FFAR4: variants seen among roughly 807,000 people sequenced by gnomAD.
FFAR4 encodes free fatty acid receptor 4, also known as G-protein coupled receptor 120.
Under a neutral mutation model 27.0 loss-of-function variants are expected in FFAR4, and 19 were observed. The ratio of observed to expected loss-of-function variants is 0.70; its 90% confidence interval spans 0.49 to 1.03. The LOEUF is 1.03. Among genes scored for constraint, FFAR4 ranks in the 50% least tolerant of loss-of-function variants. The probability of loss-of-function intolerance (pLI) is 0.00; values close to 1 mark genes in which losing one functional copy is unlikely to be tolerated. For missense variants in FFAR4, 476 were observed against 479.0 expected, an observed-to-expected ratio of 0.99 and a Z score of 0.06; for synonymous variants, 254 against 215.6, an observed-to-expected ratio of 1.18 and a Z score of -1.56.
In FFAR4 at chr10:93,567,109, C is replaced by T. The variant is rs755013071; in HGVS notation, c.389C>T (p.Ala130Val). 1.2e-6 allele frequency: 2 copies of T among 1,608,746 alleles called. No individual in the cohort carries two copies. The highest frequency in any genetic ancestry group is 3.3e-5 in the Admixed American group (2 of 59,816). ...GGCAGCGTCACCATCCTCACGCTGGCCGCGGTCAGCCTGGAGCGCATGGTG... is the reference window on the plus strand; with the variant it reads ...GGCAGCGTCACCATCCTCACGCTGGTCGCGGTCAGCCTGGAGCGCATGGTG... ...LSGSVTILTLAAVSLERMVCI... is the reference protein window; with the variant it reads ...LSGSVTILTLVAVSLERMVCI... Residue 130 changes from alanine (A) to valine (V), a missense_variant, in exon 1 of 3, where the codon GCC (alanine) becomes GTC (valine). Coordinates refer to ENST00000371481, the MANE Select transcript of FFAR4 (RefSeq NM_001195755.2).
At chr10:93,573,968 G>C (rs1443600654) in intron 1 of FFAR4, among the ~76,000 whole-genome samples, 1 of 152,106 alleles carries the variant, frequency 6.6e-6, no homozygotes, top group African/African-American at 2.4e-5. Flanking sequence ...AGGAAATTCA[G>C]ATAAGCCACA....
chr10:93,571,312 C>T (rs937462216), intron 1 of FFAR4, among the ~76,000 whole-genome samples: 2 of 152,146 alleles, frequency 1.3e-5, no homozygotes, highest in Non-Finnish European at 2.9e-5. Context: ...TACTAAGCAC[C>T]CTTCCCCTCT....
chr10:93,589,606 G>A lies in FFAR4; in HGVS notation c.*1997G>A, dbSNP rs189973626. ...TGGGGGGGCCTGGGCAAAGATTAGGGGGGGGGGAGCCAAGAGTTTCATTTG... is the reference window on the plus strand; with the variant it reads ...TGGGGGGGCCTGGGCAAAGATTAGGAGGGGGGGAGCCAAGAGTTTCATTTG... On this transcript the variant is annotated 3_prime_UTR_variant, in exon 3 of 3. Coordinates refer to ENST00000371481, the MANE Select transcript of FFAR4 (RefSeq NM_001195755.2). 2 of 140,902 alleles carry A rather than the reference G, an allele frequency of 1.4e-5. No individual in the cohort carries two copies. The highest frequency in any genetic ancestry group is 2.5e-5 in the African/African-American group (1 of 39,572). The allele number at this position is 140,902 out of a possible 1,614,324, so 8.7% of individuals were successfully genotyped here.
intron 2 of FFAR4, among the ~76,000 whole-genome samples, chr10:93,586,214 C>T (rs943583955): frequency 1.3e-5 from 2 of 152,168 alleles, no homozygotes; most frequent in African/African-American, 4.8e-5. Context: ...TGGTTTCCCA[C>T]AGGCTACTCT....
intron 1 of FFAR4, among the ~76,000 whole-genome samples, chr10:93,568,599 A>G (rs1288636411): frequency 1.3e-5 from 2 of 152,162 alleles, no homozygotes; most frequent in Non-Finnish European, 2.9e-5. Context: ...ACAGCCCACC[A>G]GGGACACCCC....
At chr10:93,570,943 A>G (rs931828457) in intron 1 of FFAR4, among the ~76,000 whole-genome samples, 1 of 152,050 alleles carries the variant, frequency 6.6e-6, no homozygotes, top group Non-Finnish European at 1.5e-5. Context: ...GTATCAACCA[A>G]CCTTACCGGA....
chr10:93,574,016 A>T (rs1195295664), intron 1 of FFAR4, among the ~76,000 whole-genome samples: 1 of 152,194 alleles, frequency 6.6e-6, no homozygotes, highest in African/African-American at 2.4e-5. Flanking sequence ...CTAGAAATAG[A>T]CACTTCACTT....
chr10:93,582,682 A>G (rs1229776172), intron 2 of FFAR4, among the ~76,000 whole-genome samples: 1 of 152,108 alleles, frequency 6.6e-6, no homozygotes, highest in Non-Finnish European at 1.5e-5. Context: ...GCCTTGCTTC[A>G]GCTCCCATCC....
chr10:93,582,995 T>G (rs552848252), intron 2 of FFAR4, among the ~76,000 whole-genome samples: 2 of 152,048 alleles, frequency 1.3e-5, no homozygotes, highest in South Asian at 4.1e-4. Flanking sequence ...GCCCCCATGA[T>G]CCAAACACCT....
rs10882273 is a variant in FFAR4, at chr10:93,589,148, T to C, written c.*1539T>C. The C allele has an allele frequency of 0.43, 65,593 of 152,228 alleles. 15,268 individuals carry two copies. The highest frequency in any genetic ancestry group is 0.6 in the African/African-American group (24,908 of 41,492). 9.4% of individuals were successfully genotyped at this position (152,228 alleles called of 1,614,324 possible). A position where few individuals can be genotyped will look rare whatever the true frequency, so the allele number is the denominator to read the frequency against. ...CTAGGCACTGCCTTTAATGCTGAGA[T>C]GAGGGGTACCCGGCTGGGGCCTGTC... On this transcript the variant is annotated 3_prime_UTR_variant, in exon 3 of 3. Transcript: ENST00000371481.
Position 93,567,131 on chromosome 10 carries a change from G to GGT in FFAR4, c.415_416dup (p.Ile140AlafsTer58). On this transcript the variant is annotated frameshift_variant, in exon 1 of 3. Coordinates refer to ENST00000371481, the MANE Select transcript of FFAR4 (RefSeq NM_001195755.2). LOFTEE classifies it high-confidence loss of function. Reference sequence around the variant, plus strand: ...TGGCCGCGGTCAGCCTGGAGCGCATGGTGTGCATCGTGCACCTGCAGCGCG... The same window carrying GGT: ...TGGCCGCGGTCAGCCTGGAGCGCATGGTGTGTGCATCGTGCACCTGCAGCGCG... 1.2e-6 allele frequency: 2 copies of GGT among 1,607,826 alleles called. No individual in the cohort carries two copies. Among genetic ancestry groups the GGT allele is most frequent in the South Asian group, 2.2e-5 (2 of 90,760 alleles).
chr10:93,570,179 C>G (rs1173452143), intron 1 of FFAR4, among the ~76,000 whole-genome samples: 1 of 146,086 alleles, frequency 6.8e-6, no homozygotes, highest in Non-Finnish European at 1.5e-5. Flanking sequence ...CTCTCTGTCT[C>G]TGTCTCTCTC....
intron 2 of FFAR4, chr10:93,579,256 C>T (rs368917765): frequency 6.3e-5 from 93 of 1,465,696 alleles, no homozygotes; most frequent in Non-Finnish European, 8.8e-5. Flanking sequence ...ATGTAATTTA[C>T]ATTCCATCAC....
rs2058235910 is a variant in FFAR4, at chr10:93,587,492, G to A, written c.969G>A (p.Met323Ile). ...CCCTAAACCCCATCCTCTACAACAT[G>A]ACACTGTGCAGGAATGAGTGGAAGA... ...NSALNPILYNMTLCRNEWKKI... is the reference protein window; with the variant it reads ...NSALNPILYNITLCRNEWKKI... The change falls in exon 3 of 3, where the codon ATG (methionine) becomes ATA (isoleucine). Residue 323 changes from methionine to isoleucine, a missense_variant. Physicochemically the swap from Met to Ile is conservative, Grantham distance 10. Coordinates refer to ENST00000371481, the MANE Select transcript of FFAR4 (RefSeq NM_001195755.2). 1 of 1,613,908 alleles carries A rather than the reference G, an allele frequency of 6.2e-7. No individual in the cohort carries two copies. The highest frequency in any genetic ancestry group is 1.3e-5 in the African/African-American group (1 of 74,856).
In FFAR4 at chr10:93,566,823, C is replaced by G. The variant is rs369349973; in HGVS notation, c.103C>G (p.His35Asp). Residue 35 changes from histidine to aspartate, a missense_variant, in exon 1 of 3, where the codon CAC becomes GAC. Coordinates refer to ENST00000371481, the MANE Select transcript of FFAR4 (RefSeq NM_001195755.2). ...CTTCTTCTCCGACGTCAAGGGCGACCACCGGCTGGTGCTGGCCGCGGTGGA... is the reference window on the plus strand; with the variant it reads ...CTTCTTCTCCGACGTCAAGGGCGACGACCGGCTGGTGCTGGCCGCGGTGGA... ...FPFFSDVKGD[H>D]RLVLAAVETT... The G allele has an allele frequency of 4.1e-5, 65 of 1,603,832 alleles. No homozygotes were observed. Among genetic ancestry groups the G allele is most frequent in the Non-Finnish European group, 5.3e-5 (62 of 1,176,710 alleles).
intron 2 of FFAR4, among the ~76,000 whole-genome samples, chr10:93,581,164 G>C (rs1172870772): frequency 1.3e-5 from 2 of 152,212 alleles, no homozygotes; most frequent in African/African-American, 2.4e-5. Flanking sequence ...CATAGCAGGG[G>C]CATATAAATA....
At chr10:93,585,780 C>A (rs959769430) in intron 2 of FFAR4, among the ~76,000 whole-genome samples, 1 of 152,230 alleles carries the variant, frequency 6.6e-6, no homozygotes, top group African/African-American at 2.4e-5. Context: ...AGCACCCACT[C>A]CAACCCATGG....
intron 2 of FFAR4, among the ~76,000 whole-genome samples, chr10:93,580,270 A>G (rs1006675662): frequency 2.4e-4 from 37 of 152,252 alleles, no homozygotes; most frequent in Admixed American, 2.1e-3. Context: ...TTAATTAGGC[A>G]TAATAACAGA....
At chr10:93,569,856 G>A (rs1355579538) in intron 1 of FFAR4, among the ~76,000 whole-genome samples, 1 of 151,668 alleles carries the variant, frequency 6.6e-6, no homozygotes, top group Non-Finnish European at 1.5e-5. Context: ...GTCAGGAATT[G>A]GAGACAAGCC....
Sources: gnomAD v4.1 joint callset for allele counts (sites outside exome capture counted in the v4.1 genomes callset) on GRCh38, gnomAD v4.1.1 for gene constraint, MANE v1.5 for transcripts, NCBI Gene and HGNC (gene_info 2026-07-23, HGNC 2026-07-21) for gene names.